The following LSM11 variants were observed in gnomAD, a reference collection of about 807,000 sequenced individuals.
LSM11 encodes U7 snRNA-associated Sm-like protein LSm11.
Under a neutral mutation model 28.1 loss-of-function variants are expected in LSM11, and 14 were observed. The ratio of observed to expected loss-of-function variants is 0.50; its 90% CI spans 0.33 to 0.78. The LOEUF (loss-of-function observed/expected upper bound fraction) is 0.78, where lower values mean the gene tolerates loss of function less well. LSM11 is among the 30% of genes least tolerant of loss of function. LSM11 has a pLI of 0.02. For missense variants in LSM11, 495 were observed against 510.6 expected (o/e 0.97, Z 0.30); for synonymous variants, 207 against 214.2 (o/e 0.97, Z 0.30).
intron 1 of LSM11, among the ~76,000 whole-genome samples, chr5:157,750,635 A>C (rs1035882479): frequency 2.0e-5 from 3 of 152,238 alleles, no homozygotes; most frequent in African/African-American, 7.2e-5. Context: ...TTAAGGGCAG[A>C]GTGCAGTTTG....
intron 3 of LSM11, 56 bp downstream of exon 3, chr5:157,754,143 T>TTCC: frequency 8.1e-7 from 1 of 1,237,218 alleles, no homozygotes; most frequent in Non-Finnish European, 1.1e-6. Context: ...AGCTTAGGAA[T>TTCC]TAAGATCCCT....
At chr5:157,754,158 C>T (rs1489867718) in intron 3 of LSM11, 71 bp downstream of exon 3, 4 of 1,061,354 alleles carry the variant, frequency 3.8e-6, no homozygotes, top group Non-Finnish European at 4.0e-6. Flanking sequence ...ATCCCTGAGC[C>T]CAGTGACTAG....
At chr5:157,749,588 G>GCACACACACA (rs200970813) in intron 1 of LSM11, among the ~76,000 whole-genome samples, 58 of 142,386 alleles carry the variant, frequency 4.1e-4, no homozygotes, top group African/African-American at 1.4e-3. Context: ...GCGCACGCGC[G>GCACACACACA]CACACACACA....
rs780360771 is a variant in LSM11 at position 157,744,247 on chromosome 5, T to G, written c.448+49T>G. The G allele has an allele frequency of 4.1e-6, 5 of 1,215,522 alleles. No homozygotes were observed. The East Asian group carries it at 1.6e-4, about 39-fold the overall frequency. The allele number at this position is 1,215,522 out of a possible 1,614,324, so 75.3% of individuals were successfully genotyped here. The stretch of plus-strand genomic sequence containing the variant: ...AGCGGGGCAGCCGCCGTCCGGAAGC[T>G]GGCTGCCGAGGGGGCGTCTGCGGGG... On this transcript the variant is annotated intron_variant, in intron 1 of 3. Transcript: ENST00000286307.
intron 1 of LSM11, among the ~76,000 whole-genome samples, chr5:157,749,584 G>GCA (rs1554095376): frequency 1.6e-4 from 9 of 56,344 alleles, no homozygotes; most frequent in East Asian, 1.4e-3. Flanking sequence ...GCGCGCGCAC[G>GCA]CGCGCACACA....
At position 157,755,690 on chromosome 5, in the gene LSM11, A is replaced by C. The variant is rs941006306; in HGVS notation, c.*426A>C. The C allele has an allele frequency of 5.0e-6, 2 of 403,790 alleles. No individual in the cohort carries two copies. The highest frequency in any genetic ancestry group is 4.1e-5 in the African/African-American group (2 of 48,628). The allele number at this position is 403,790 out of a possible 1,614,324, so 25.0% of individuals were successfully genotyped here. ...AATTCGATTCCAAGAGTAGTGGTGT[A>C]AATTGCCTTGGAGCCCTGCATCCAC... On this transcript the variant is annotated 3_prime_UTR_variant, in exon 4 of 4. Coordinates refer to ENST00000286307, the MANE Select transcript of LSM11 (RefSeq NM_173491.4).
intron 3 of LSM11, among the ~76,000 whole-genome samples, 176 bp downstream of exon 3, chr5:157,754,263 A>C (rs1343369219): frequency 1.3e-5 from 2 of 152,166 alleles, no homozygotes; most frequent in Non-Finnish European, 2.9e-5. Context: ...GTGAATCTCA[A>C]GTGAGTCTGT....
chr5:157,746,103 GTA>G (rs1350341907), intron 1 of LSM11, among the ~76,000 whole-genome samples: 1 of 151,988 alleles, frequency 6.6e-6, no homozygotes, highest in Non-Finnish European at 1.5e-5. Context: ...AAAGAACTAG[GTA>G]TGTTTTATAT....
chr5:157,747,204 C>T lies in LSM11; in HGVS notation c.448+3006C>T, dbSNP rs549275088. Among the ~76,000 whole-genome samples, 200 of 152,270 alleles carry T rather than the reference C, an allele frequency of 1.3e-3. 2 individuals carry two copies. Among genetic ancestry groups the T allele is most frequent in the African/African-American group, 4.5e-3 (188 of 41,554 alleles). ...GTATCGCAGCACCATACCTAGCCCA[C>T]GGTGGTTCTGGTTTATAATTGTGCT... On this transcript the variant is annotated intron_variant, in intron 1 of 3. Transcript: ENST00000286307.
chr5:157,745,960 A>C lies in LSM11; in HGVS notation c.448+1762A>C, dbSNP rs191474799. On this transcript the variant is annotated intron_variant, in intron 1 of 3. Transcript: ENST00000286307. ...GAGGGTGAGAATCACAAAACTACCT[A>C]TTGGGTACTGTGATCACTACCTGGG... Among the ~76,000 whole-genome samples the C allele has an allele frequency of 1.8e-3, 280 of 152,324 alleles. 1 individual carries two copies. Among genetic ancestry groups the C allele is most frequent in the African/African-American group, 6.2e-3 (256 of 41,574 alleles).
intron 1 of LSM11, among the ~76,000 whole-genome samples, chr5:157,745,456 A>G (rs1032365082): frequency 2.6e-5 from 4 of 152,198 alleles, no homozygotes; most frequent in Non-Finnish European, 2.9e-5. Flanking sequence ...CAAAGACAGT[A>G]TGCTTGTTCC....
intron 1 of LSM11, among the ~76,000 whole-genome samples, chr5:157,745,260 T>C (rs1278253091): frequency 1.3e-5 from 2 of 152,246 alleles, no homozygotes; most frequent in Admixed American, 6.5e-5. Flanking sequence ...TAAGTCACTG[T>C]CTTTTGGATG....
intron 1 of LSM11, among the ~76,000 whole-genome samples, chr5:157,745,031 A>G (rs1761125854): frequency 6.6e-6 from 1 of 152,230 alleles, no homozygotes; most frequent in African/African-American, 2.4e-5. Flanking sequence ...TAAATGGCAC[A>G]AGGGAATTTC....
rs763287228 is a variant in LSM11, at chr5:157,755,004, C to G, written c.823C>G (p.His275Asp). 1.1e-5 allele frequency: 17 copies of G among 1,614,054 alleles called. No individual in the cohort carries two copies. Among genetic ancestry groups the G allele is most frequent in the Admixed American group, 1.7e-5 (1 of 60,004 alleles). The change falls in exon 4 of 4, where the codon CAC becomes GAC. Residue 275 changes from histidine (H) to aspartate (D), a missense_variant. Coordinates refer to ENST00000286307, the MANE Select transcript of LSM11 (RefSeq NM_173491.4). ...WGRADTGRGS[H>D]KRSRSVPSSL... ...AAGAGCAGACACTGGCCGGGGCTCA[C>G]ACAAGCGTTCCCGCTCTGTCCCTTC...
intron 1 of LSM11, among the ~76,000 whole-genome samples, chr5:157,744,817 C>T (rs910508431): frequency 6.6e-6 from 1 of 152,160 alleles, no homozygotes; most frequent in African/African-American, 2.4e-5. Flanking sequence ...ACAGCTCCTT[C>T]TCGAGTGCGA....
intron 1 of LSM11, among the ~76,000 whole-genome samples, chr5:157,747,321 G>C (rs1048181008): frequency 1.3e-5 from 2 of 152,214 alleles, no homozygotes; most frequent in Admixed American, 1.3e-4. Context: ...GTAAGAAAAA[G>C]TGTTATCATT....
At chr5:157,754,547 T>C (rs148750575) in intron 3 of LSM11, among the ~76,000 whole-genome samples, 2,118 of 151,616 alleles carry the variant, frequency 0.014, 57 homozygotes, top group African/African-American at 0.047. Context: ...CAAAAATTAG[T>C]TGGGCAGGGT....
In LSM11 at chr5:157,746,817, C is replaced by T. The variant is rs542168315; in HGVS notation, c.448+2619C>T. 2.8e-4 allele frequency among the ~76,000 whole-genome samples: 43 copies of T among 152,000 alleles called. 2 individuals are homozygous for T. In the South Asian group the frequency reaches 8.5e-3, roughly 30 times the overall value. ...TCCAGCTGTTCAGGAGGATGAGGCACGAGAATCGCTTGAACCCTGTAAGTG... is the reference window on the plus strand; with the variant it reads ...TCCAGCTGTTCAGGAGGATGAGGCATGAGAATCGCTTGAACCCTGTAAGTG... On this transcript the variant is annotated intron_variant, in intron 1 of 3. Transcript: ENST00000286307.
Position 157,744,106 on chromosome 5 carries a change from C to T in LSM11, c.356C>T (p.Ala119Val). Residue 119 changes from alanine to valine, a missense_variant, in exon 1 of 4, where the codon GCC becomes GTC. Physicochemically the swap from Ala to Val is moderately conservative, Grantham distance 64. Transcript: ENST00000286307. Reference sequence around the variant, plus strand: ...CAGCGCCTCCGCCGTCTCATGGTGGCCAAAGAGGAAGGGGACGGGGCCGCA... The same window carrying T: ...CAGCGCCTCCGCCGTCTCATGGTGGTCAAAGAGGAAGGGGACGGGGCCGCA... ...RIQRLRRLMV[A>V]KEEGDGAAGA... 6.7e-7 allele frequency: 1 copy of T among 1,487,134 alleles called. No homozygotes were observed. The highest frequency in any genetic ancestry group is 8.9e-7 in the Non-Finnish European group (1 of 1,124,118). The allele number at this position is 1,487,134 out of a possible 1,614,324, so 92.1% of individuals were successfully genotyped here.
Sources: gnomAD v4.1 joint callset for allele counts (sites outside exome capture counted in the v4.1 genomes callset) on GRCh38, gnomAD v4.1.1 for gene constraint, MANE v1.5 for transcripts, NCBI Gene and HGNC (gene_info 2026-07-23, HGNC 2026-07-21) for gene names.